Variants in SEMA5A observed in about 807,000 individuals in gnomAD.
The protein encoded by SEMA5A is semaphorin 5A.
A neutral mutation model predicts 135.5 loss-of-function variants in SEMA5A; 55 were observed. The observed-to-expected ratio is 0.41, with a 90% CI of 0.33 to 0.51. The LOEUF (loss-of-function observed/expected upper bound fraction) is 0.51. SEMA5A is among the 20% of genes least tolerant of loss of function. SEMA5A has a pLI of 0.37. For missense variants in SEMA5A, 1,290 were observed against 1,419.9 expected, an observed-to-expected ratio of 0.91 and a Z score of 1.47; for synonymous variants, 580 against 546.5, an observed-to-expected ratio of 1.06 and a Z score of -0.85.
intron 1 of SEMA5A, among the ~76,000 whole-genome samples, chr5:9,474,368 C>G (rs1039002234): frequency 6.6e-6 from 1 of 151,866 alleles, no homozygotes; most frequent in Non-Finnish European, 1.5e-5. Context: ...GGCTCAGACA[C>G]ACATGGGGAA....
At chr5:9,250,439 A>C (rs972952289) in intron 5 of SEMA5A, among the ~76,000 whole-genome samples, 2 of 152,290 alleles carry the variant, frequency 1.3e-5, no homozygotes, top group Admixed American at 1.3e-4. Flanking sequence ...AAAACTACCT[A>C]TACGATCCTG....
At chr5:9,472,252 GC>G (rs1759503048) in intron 1 of SEMA5A, among the ~76,000 whole-genome samples, 2 of 152,128 alleles carry the variant, frequency 1.3e-5, no homozygotes, top group Admixed American at 6.5e-5. Context: ...GTGAGGTTTT[GC>G]TTTGCCTTTG....
At chr5:9,448,944 T>C (rs944034751) in intron 1 of SEMA5A, among the ~76,000 whole-genome samples, 2 of 152,214 alleles carry the variant, frequency 1.3e-5, no homozygotes, top group African/African-American at 4.8e-5. Flanking sequence ...TAAATGAGCA[T>C]ATTCAAGAAC....
At chr5:9,531,271 C>A (rs1737418177) in intron 1 of SEMA5A, among the ~76,000 whole-genome samples, 2 of 152,206 alleles carry the variant, frequency 1.3e-5, no homozygotes, top group Admixed American at 1.3e-4. Flanking sequence ...ATAGTTCTAT[C>A]TTTTCTTTGG....
intron 11 of SEMA5A, among the ~76,000 whole-genome samples, chr5:9,173,279 GTTTTTTTT>G (rs35531350): frequency 9.0e-5 from 11 of 121,816 alleles, no homozygotes; most frequent in African/African-American, 3.3e-4. Flanking sequence ...TCTTCACCCG[GTTTTTTTT>G]TTTTTTTTTT....
At chr5:9,293,476 G>C (rs1016782573) in intron 5 of SEMA5A, among the ~76,000 whole-genome samples, 2 of 152,236 alleles carry the variant, frequency 1.3e-5, no homozygotes, top group South Asian at 2.1e-4. Flanking sequence ...TTGAACTTTT[G>C]AACATGGAAT....
At chr5:9,088,659 T>TATATATATATATAC in intron 16 of SEMA5A, among the ~76,000 whole-genome samples, 4 of 112,890 alleles carry the variant, frequency 3.5e-5, no homozygotes, top group African/African-American at 1.3e-4. Context: ...TATATATATA[T>TATATATATATATAC]ACACACACAC....
chr5:9,166,901 T>G (rs1743640122), intron 11 of SEMA5A, among the ~76,000 whole-genome samples: 1 of 152,178 alleles, frequency 6.6e-6, no homozygotes, highest in Non-Finnish European at 1.5e-5. Flanking sequence ...GTATCTAAAT[T>G]ACAAAACAAC....
At chr5:9,195,219 G>A (rs961925161) in intron 10 of SEMA5A, among the ~76,000 whole-genome samples, 1 of 152,108 alleles carries the variant, frequency 6.6e-6, no homozygotes, top group African/African-American at 2.4e-5. Flanking sequence ...CACCCAGACT[G>A]GAGTGCAGTG....
chr5:9,468,546 T>C (rs1431453770), intron 1 of SEMA5A, among the ~76,000 whole-genome samples: 1 of 151,836 alleles, frequency 6.6e-6, no homozygotes, highest in Non-Finnish European at 1.5e-5. Context: ...TGGTAGTATG[T>C]GAACTCTTCC....
chr5:9,157,826 A>G (rs1490648434), intron 11 of SEMA5A, among the ~76,000 whole-genome samples: 2 of 152,244 alleles, frequency 1.3e-5, no homozygotes, highest in African/African-American at 4.8e-5. Context: ...ATGGCCCTAT[A>G]GAAGAGACAC....
intron 3 of SEMA5A, among the ~76,000 whole-genome samples, chr5:9,367,703 A>G (rs1288829877): frequency 6.6e-6 from 1 of 152,174 alleles, no homozygotes; most frequent in Non-Finnish European, 1.5e-5. Context: ...ACAGTCTGAT[A>G]TAGTCTGGTT....
intron 2 of SEMA5A, among the ~76,000 whole-genome samples, chr5:9,411,452 T>C (rs145455972): frequency 1.2e-3 from 177 of 152,250 alleles, no homozygotes; most frequent in African/African-American, 4.1e-3. Flanking sequence ...TGCGCACCCA[T>C]AGAAGCACAC....
intron 16 of SEMA5A, among the ~76,000 whole-genome samples, chr5:9,079,590 A>T (rs1286043847): frequency 6.6e-6 from 1 of 152,124 alleles, no homozygotes; most frequent in Non-Finnish European, 1.5e-5. Flanking sequence ...AGAAACTATC[A>T]TCAGAGTGGA....
chr5:9,388,567 T>A (rs1365637867), intron 2 of SEMA5A, among the ~76,000 whole-genome samples: 1 of 152,000 alleles, frequency 6.6e-6, no homozygotes, highest in Non-Finnish European at 1.5e-5. Context: ...CCTAGAGATG[T>A]TTCCTCAGGG....
chr5:9,542,463 T>C (rs544918399), intron 1 of SEMA5A, among the ~76,000 whole-genome samples: 1 of 152,338 alleles, frequency 6.6e-6, no homozygotes, highest in South Asian at 2.1e-4. Context: ...TTGGTATAAA[T>C]TTGCAAGTAG....
intron 15 of SEMA5A, among the ~76,000 whole-genome samples, chr5:9,116,697 T>C (rs1454020762): frequency 6.6e-6 from 1 of 152,218 alleles, no homozygotes; most frequent in African/African-American, 2.4e-5. Flanking sequence ...GGTGTTTAAA[T>C]AAATATGATA....
chr5:9,120,287 T>G (rs1224427754), intron 14 of SEMA5A, among the ~76,000 whole-genome samples: 2 of 152,138 alleles, frequency 1.3e-5, no homozygotes, highest in African/African-American at 4.8e-5. Flanking sequence ...GTGTATTTCC[T>G]TTTAAAACAT....
intron 5 of SEMA5A, among the ~76,000 whole-genome samples, chr5:9,241,843 C>T (rs926121587): frequency 7.2e-5 from 11 of 152,100 alleles, no homozygotes; most frequent in African/African-American, 2.2e-4. Flanking sequence ...TATCACACTC[C>T]ACCGCCAGAT....
Sources: allele counts gnomAD v4.1 joint callset (sites outside exome capture counted in the v4.1 genomes callset), GRCh38; gene constraint gnomAD v4.1.1; transcripts MANE v1.5; gene names NCBI Gene and HGNC (gene_info 2026-07-23, HGNC 2026-07-21).